Variants in FGD6 observed in about 807,000 individuals in gnomAD.
FGD6 encodes the protein FYVE, RhoGEF and PH domain-containing protein 6.
In FGD6, 90 loss-of-function variants were observed where a neutral mutation model predicts 149.4. That is an observed-to-expected ratio of 0.60 (90% CI 0.51 to 0.72). The LOEUF (loss-of-function observed/expected upper bound fraction) is 0.72. FGD6 is among the 30% of genes least tolerant of loss of function. The pLI, the probability that FGD6 is intolerant of heterozygous loss-of-function variation, is 0.00. For missense variants in FGD6, 1,437 were observed against 1,684.8 expected, an observed-to-expected ratio of 0.85 and a Z score of 2.57; for synonymous variants, 527 against 584.0, an observed-to-expected ratio of 0.90 and a Z score of 1.41.
intron 5 of FGD6, 52 bp downstream of exon 5, chr12:95,152,759 A>T: frequency 6.5e-7 from 1 of 1,543,496 alleles, no homozygotes; most frequent in Non-Finnish European, 8.9e-7. Context: ...GGGTAGGGAA[A>T]GTACAAAAGG....
chr12:95,126,214 CT>C (rs1488764024), intron 8 of FGD6: 3 of 1,204,078 alleles, frequency 2.5e-6, no homozygotes, highest in African/African-American at 3.0e-5. Flanking sequence ...GCTGCTGCAG[CT>C]GCTGCTAAAT....
intron 3 of FGD6, among the ~76,000 whole-genome samples, chr12:95,164,397 G>T (rs6419372): frequency 0.88 from 133,489 of 151,918 alleles, 59,032 homozygotes; most frequent in East Asian, 0.97. Flanking sequence ...CTTATCATAT[G>T]TGTTCACTAC....
intron 2 of FGD6, among the ~76,000 whole-genome samples, chr12:95,194,471 G>C (rs951521019): frequency 1.3e-5 from 2 of 152,134 alleles, no homozygotes; most frequent in Admixed American, 6.5e-5. Flanking sequence ...CCAACCTCAG[G>C]TGATCTGCCC....
chr12:95,215,647 ATTTC>A (rs879945466), intron 1 of FGD6, among the ~76,000 whole-genome samples: 14 of 152,214 alleles, frequency 9.2e-5, no homozygotes, highest in Admixed American at 6.5e-4. Context: ...ATTTCTGTGG[ATTTC>A]TTTAATTGTA....
At chr12:95,144,398 C>T (rs1439990451) in intron 5 of FGD6, among the ~76,000 whole-genome samples, 1 of 143,248 alleles carries the variant, frequency 7.0e-6, no homozygotes, top group African/African-American at 2.5e-5. Context: ...CACAGAGTTA[C>T]TTTTTTTTTT....
chr12:95,165,419 C>T (rs1343146089), intron 3 of FGD6, among the ~76,000 whole-genome samples: 2 of 151,782 alleles, frequency 1.3e-5, no homozygotes, highest in African/African-American at 2.4e-5. Flanking sequence ...CTGCAACCTC[C>T]GCCTCCTGGG....
At chr12:95,139,914 G>A (rs1314438954) in intron 6 of FGD6, among the ~76,000 whole-genome samples, 1 of 152,124 alleles carries the variant, frequency 6.6e-6, no homozygotes, top group Non-Finnish European at 1.5e-5. Context: ...TGGGATTACA[G>A]GCATGAGCCA....
At chr12:95,107,943 G>A (rs1462071656) in intron 11 of FGD6, among the ~76,000 whole-genome samples, 4 of 152,028 alleles carry the variant, frequency 2.6e-5, no homozygotes, top group Admixed American at 1.3e-4. Context: ...TAATTTTCCC[G>A]AATTAATTCC....
At chr12:95,196,447 G>A (rs1021693097) in intron 2 of FGD6, among the ~76,000 whole-genome samples, 17 of 151,946 alleles carry the variant, frequency 1.1e-4, no homozygotes, top group African/African-American at 3.9e-4. Flanking sequence ...GGCCAGGCTG[G>A]TCTCAAACTC....
intron 2 of FGD6, among the ~76,000 whole-genome samples, chr12:95,184,765 T>C (rs1881379414): frequency 6.6e-6 from 1 of 151,942 alleles, no homozygotes; most frequent in South Asian, 2.1e-4. Flanking sequence ...ATATTTTTAG[T>C]GGAGATGGGG....
chr12:95,123,341 T>A (rs2136249912), intron 8 of FGD6, among the ~76,000 whole-genome samples: 1 of 152,154 alleles, frequency 6.6e-6, no homozygotes, highest in African/African-American at 2.4e-5. Flanking sequence ...AAGAATTATG[T>A]AAGGAAGCCC....
At chr12:95,126,246 G>A (rs566731556) in intron 8 of FGD6, 26 of 1,282,292 alleles carry the variant, frequency 2.0e-5, no homozygotes, top group African/African-American at 1.2e-4. Flanking sequence ...AAAGATGACC[G>A]CTGTGGGCAA....
chr12:95,161,178 TCAAAAA>T (rs200256084), intron 3 of FGD6, among the ~76,000 whole-genome samples: 4,439 of 151,024 alleles, frequency 0.029, 95 homozygotes, highest in Middle Eastern at 0.052. Context: ...AAACTTCATC[TCAAAAA>T]CAAAAACAAA....
At chr12:95,145,587 G>T (rs1448211706) in intron 5 of FGD6, among the ~76,000 whole-genome samples, 1 of 152,036 alleles carries the variant, frequency 6.6e-6, no homozygotes, top group South Asian at 2.1e-4. Context: ...GCTCCTCCTT[G>T]GCTATAAATT....
At chr12:95,175,360 A>G (rs998036794) in intron 2 of FGD6, among the ~76,000 whole-genome samples, 1 of 152,210 alleles carries the variant, frequency 6.6e-6, no homozygotes, top group African/African-American at 2.4e-5. Flanking sequence ...AAATGATATC[A>G]GAAAGCAACA....
At chr12:95,150,748 A>G (rs955434650) in intron 5 of FGD6, among the ~76,000 whole-genome samples, 4 of 152,010 alleles carry the variant, frequency 2.6e-5, no homozygotes, top group Admixed American at 6.6e-5. Flanking sequence ...AGGTGGGATT[A>G]TAAGTGTGTG....
At chr12:95,165,484 C>T (rs984201367) in intron 3 of FGD6, among the ~76,000 whole-genome samples, 1 of 151,876 alleles carries the variant, frequency 6.6e-6, no homozygotes, top group African/African-American at 2.4e-5. Flanking sequence ...CAGGCATGCA[C>T]CACCACGCCT....
At chr12:95,096,413 TAAATC>T (rs1878233222) in intron 14 of FGD6, among the ~76,000 whole-genome samples, 1 of 152,200 alleles carries the variant, frequency 6.6e-6, no homozygotes, top group African/African-American at 2.4e-5. Context: ...AATAAAATTT[TAAATC>T]AAATTAATTT....
chr12:95,159,013 T>C (rs979226914), intron 3 of FGD6, among the ~76,000 whole-genome samples: 1 of 152,172 alleles, frequency 6.6e-6, no homozygotes, highest in Admixed American at 6.5e-5. Context: ...CAAGAGCGGA[T>C]CTTATCAGTA....
Sources: gnomAD v4.1 joint callset for allele counts (sites outside exome capture counted in the v4.1 genomes callset) on GRCh38, gnomAD v4.1.1 for gene constraint, MANE v1.5 for transcripts, NCBI Gene and HGNC (gene_info 2026-07-23, HGNC 2026-07-21) for gene names.